OTUD7A: variants seen among roughly 807,000 people sequenced by gnomAD.
OTUD7A encodes the protein OTU domain-containing protein 7A.
Under a neutral mutation model 65.7 loss-of-function variants are expected in OTUD7A, and 12 were observed. The observed-to-expected ratio is 0.18, with a 90% CI of 0.12 to 0.30. OTUD7A has a LOEUF of 0.30. OTUD7A is among the 10% of genes least tolerant of loss of function. OTUD7A has a pLI of 1.00. For synonymous variants in OTUD7A, 641 were observed against 586.3 expected (o/e 1.09, Z -1.35); for missense variants, 1,148 against 1,304.8 (o/e 0.88, Z 1.85).
intron 3 of OTUD7A, among the ~76,000 whole-genome samples, chr15:31,615,133 C>T (rs1890547256): frequency 6.6e-6 from 1 of 152,002 alleles, no homozygotes; most frequent in Non-Finnish European, 1.5e-5. Context: ...GATCTATAAC[C>T]AACTAGATCA....
intron 8 of OTUD7A, among the ~76,000 whole-genome samples, chr15:31,514,600 T>C (rs1595573302): frequency 6.6e-6 from 1 of 152,362 alleles, no homozygotes; most frequent in East Asian, 1.9e-4. Flanking sequence ...GAAAACTTGT[T>C]CGTATTCATT....
intron 1 of OTUD7A, among the ~76,000 whole-genome samples, chr15:31,783,112 G>A (rs1024522349): frequency 6.6e-6 from 1 of 152,186 alleles, no homozygotes; most frequent in African/African-American, 2.4e-5. Flanking sequence ...AACAGCCACT[G>A]AGCCGGGAAG....
intron 1 of OTUD7A, among the ~76,000 whole-genome samples, chr15:31,794,397 C>T (rs984639434): frequency 5.3e-5 from 8 of 150,586 alleles, no homozygotes; most frequent in African/African-American, 1.7e-4. Flanking sequence ...GTTCCTATCA[C>T]ATGAAGCAGA....
At position 31,485,493 on chromosome 15, in the gene OTUD7A, T is replaced by C. The variant is rs564724877; in HGVS notation, c.1372-769A>G. On this transcript the variant is annotated intron_variant, in intron 12 of 12. Coordinates refer to ENST00000307050, the MANE Select transcript of OTUD7A (RefSeq NM_001382637.1). ...CCCCCTGGGTGGGGTGGGGTGACGC[T>C]GGGGAGCACTTCTTGGATGAGACCC... Among the ~76,000 whole-genome samples, 3 of 151,716 alleles carry C rather than the reference T, an allele frequency of 2.0e-5. No homozygotes were observed. In the South Asian group the frequency reaches 6.3e-4, roughly 32 times the overall value.
At position 31,526,366 on chromosome 15, in the gene OTUD7A, A is replaced by C. The variant is rs1288354968; in HGVS notation, c.876T>G (p.Asn292Lys). Residue 292 changes from asparagine (N) to lysine (K), a missense_variant, in exon 8 of 13, where the codon AAT becomes AAG. By Grantham distance (94) the Asn-to-Lys change is moderately conservative (BLOSUM62 0). Around this residue, in one of 6 missense-constraint regions of OTUD7A, gnomAD observed 25 missense variants for 18.7 expected, o/e 1.34. Coordinates refer to ENST00000307050, the MANE Select transcript of OTUD7A (RefSeq NM_001382637.1). Reference sequence around the variant, plus strand: ...GCACTTACCCCCCGCCCGTGCCGCCATTCTTGCTGAAGTGTGTGCGCGGCT... The same window carrying C: ...GCACTTACCCCCCGCCCGTGCCGCCCTTCTTGCTGAAGTGTGTGCGCGGCT... ...SSEPRTHFSK[N>K]GGTGGGVDNS... 5 of 1,599,024 alleles carry C rather than the reference A, an allele frequency of 3.1e-6. No homozygotes were observed. In the Admixed American group the frequency reaches 5.0e-5, roughly 16 times the overall value.
intron 1 of OTUD7A, among the ~76,000 whole-genome samples, chr15:31,668,377 A>G (rs7495009): frequency 0.31 from 46,543 of 151,990 alleles, 8,340 homozygotes; most frequent in African/African-American, 0.49. Context: ...GTTGGATTGG[A>G]TTAATTCAAA....
intron 1 of OTUD7A, among the ~76,000 whole-genome samples, chr15:31,783,008 A>G (rs1436547575): frequency 6.6e-6 from 1 of 152,220 alleles, no homozygotes; most frequent in African/African-American, 2.4e-5. Flanking sequence ...CTGAGTTAAA[A>G]GAACACAACT....
At chr15:31,837,740 A>T (rs1275456837) in intron 1 of OTUD7A, among the ~76,000 whole-genome samples, 1 of 152,224 alleles carries the variant, frequency 6.6e-6, no homozygotes, top group Non-Finnish European at 1.5e-5. Context: ...TCTTATCAAA[A>T]TCCCAGCAAG....
intron 1 of OTUD7A, among the ~76,000 whole-genome samples, chr15:31,733,389 G>A (rs1239975262): frequency 4.6e-5 from 7 of 152,174 alleles, no homozygotes; most frequent in Admixed American, 1.3e-4. Context: ...TAGGATTTGT[G>A]AATAAGCTGT....
At chr15:31,847,958 G>C (rs1437761557) in intron 1 of OTUD7A, among the ~76,000 whole-genome samples, 1 of 152,142 alleles carries the variant, frequency 6.6e-6, no homozygotes, top group Non-Finnish European at 1.5e-5. Flanking sequence ...AACAGCAAGA[G>C]GGAAGTCTAC....
chr15:31,822,231 T>C (rs1012528926), intron 1 of OTUD7A, among the ~76,000 whole-genome samples: 1 of 152,134 alleles, frequency 6.6e-6, no homozygotes, highest in Non-Finnish European at 1.5e-5. Context: ...AGGAACTCAG[T>C]AGGGAGACAG....
At chr15:31,782,484 G>A (rs1895565984) in intron 1 of OTUD7A, among the ~76,000 whole-genome samples, 1 of 152,158 alleles carries the variant, frequency 6.6e-6, no homozygotes, top group African/African-American at 2.4e-5. Flanking sequence ...TGTAGCCACA[G>A]GCAGATGCTA....
chr15:31,581,611 C>G (rs941046851), intron 3 of OTUD7A, among the ~76,000 whole-genome samples: 1 of 152,228 alleles, frequency 6.6e-6, no homozygotes, highest in Non-Finnish European at 1.5e-5. Flanking sequence ...TGGAAGCTGC[C>G]AAGGCTTGGG....
chr15:31,772,249 C>T, intron 1 of OTUD7A, among the ~76,000 whole-genome samples: 1 of 118,448 alleles, frequency 8.4e-6, no homozygotes, highest in South Asian at 2.8e-4. Context: ...GAGACTCCGT[C>T]TCAAAAAAAA....
At chr15:31,698,239 C>T (rs1051279237) in intron 1 of OTUD7A, among the ~76,000 whole-genome samples, 3 of 152,252 alleles carry the variant, frequency 2.0e-5, no homozygotes, top group Non-Finnish European at 2.9e-5. Flanking sequence ...AGCTGAAACA[C>T]ATTTTACTCT....
chr15:31,830,285 A>G (rs1896898599), intron 1 of OTUD7A, among the ~76,000 whole-genome samples: 1 of 152,218 alleles, frequency 6.6e-6, no homozygotes, highest in Non-Finnish European at 1.5e-5. Flanking sequence ...GAGACCTCAT[A>G]TCTGAGTCAG....
chr15:31,582,068 G>A (rs931696883), intron 3 of OTUD7A, among the ~76,000 whole-genome samples: 7 of 152,090 alleles, frequency 4.6e-5, no homozygotes, highest in East Asian at 3.9e-4. Flanking sequence ...CAGAAATTTC[G>A]TCTGCCAGAT....
chr15:31,783,319 C>T lies in OTUD7A; in HGVS notation c.-100+87188G>A, dbSNP rs1503015. On this transcript the variant is annotated intron_variant, in intron 1 of 12. Coordinates refer to ENST00000307050, the MANE Select transcript of OTUD7A (RefSeq NM_001382637.1). ...TAGGGGCTTACCTTTTAATGTCATG[C>T]AGGAATCCCAAAGCAGAGGTTCCAA... Among the ~76,000 whole-genome samples, 86 of 152,300 alleles carry T rather than the reference C, an allele frequency of 5.6e-4. No individual in the cohort carries two copies. The South Asian group carries it at 0.012, about 21-fold the overall frequency.
intron 1 of OTUD7A, among the ~76,000 whole-genome samples, chr15:31,852,819 T>G (rs1252368291): frequency 6.6e-6 from 1 of 152,258 alleles, no homozygotes; most frequent in Non-Finnish European, 1.5e-5. Context: ...AATTTAATAT[T>G]CATTACATTA....
Sources: allele counts gnomAD v4.1 joint callset (sites outside exome capture counted in the v4.1 genomes callset), GRCh38; gene constraint gnomAD v4.1.1; regional missense constraint gnomAD v4.1.1; transcripts MANE v1.5; gene names NCBI Gene and HGNC (gene_info 2026-07-23, HGNC 2026-07-21).